DCDC1: variants seen among roughly 807,000 people sequenced by gnomAD.
DCDC1 encodes doublecortin domain containing 1, also known as doublecortin domain-containing protein 1.
Under a neutral mutation model 178.3 loss-of-function variants are expected in DCDC1, and 200 were observed. The ratio of observed to expected loss-of-function variants is 1.12; its 90% CI spans 1.00 to 1.26. The LOEUF (loss-of-function observed/expected upper bound fraction) is 1.26, where lower values mean the gene tolerates loss of function less well. Ranked by LOEUF, DCDC1 falls within the 50% of genes most tolerant of loss-of-function variation. The probability of loss-of-function intolerance (pLI) is 0.00; values close to 1 mark genes in which losing one functional copy is unlikely to be tolerated. For synonymous variants in DCDC1, 690 were observed against 604.8 expected (o/e 1.14, Z -2.07); for missense variants, 1,983 against 1,749.2 (o/e 1.13, Z -2.38).
rs769562644 is a variant in DCDC1, at chr11:31,064,569, T to G, written c.2491A>C (p.Thr831Pro). ...GLKQLPEPSD[T>P]HLMPEGSLEE... The stretch of plus-strand genomic sequence containing the variant: ...AGAGAACCTTCTGGCATTAAATGGG[T>G]GTCTGAGGGTTCTGGCAGTTGCTTC... The change falls in exon 20 of 39, where the codon ACC becomes CCC. Residue 831 changes from threonine (T) to proline (P), a missense_variant. Physicochemically the swap from Thr to Pro is conservative, Grantham distance 38. Coordinates refer to ENST00000684477, the MANE Select transcript of DCDC1 (RefSeq NM_001387274.1). 149 of 765,992 alleles carry G rather than the reference T, an allele frequency of 1.9e-4. No individual in the cohort carries two copies. Among genetic ancestry groups the G allele is most frequent in the Middle Eastern group, 1.1e-3 (5 of 4,436 alleles). 47.4% of individuals were successfully genotyped at this position (765,992 alleles called of 1,614,324 possible).
At chr11:31,365,296 C>T (rs1405116203) in intron 1 of DCDC1, among the ~76,000 whole-genome samples, 1 of 151,908 alleles carries the variant, frequency 6.6e-6, no homozygotes, top group Admixed American at 6.6e-5. Flanking sequence ...TTCTATCTTC[C>T]CAGTAGATTA....
chr11:31,124,827 T>C (rs1961368959), intron 11 of DCDC1, among the ~76,000 whole-genome samples: 1 of 152,062 alleles, frequency 6.6e-6, no homozygotes, highest in Admixed American at 6.5e-5. Flanking sequence ...ATAAAAACCT[T>C]AGAAGAAAAT....
intron 9 of DCDC1, among the ~76,000 whole-genome samples, chr11:31,163,333 G>A (rs1407993622): frequency 2.0e-5 from 3 of 152,110 alleles, no homozygotes; most frequent in Admixed American, 1.3e-4. Context: ...TGTGGTGAGA[G>A]GGGCAGTTTA....
At chr11:30,982,818 C>A (rs1950457829) in intron 20 of DCDC1, among the ~76,000 whole-genome samples, 1 of 152,068 alleles carries the variant, frequency 6.6e-6, no homozygotes, top group Admixed American at 6.6e-5. Context: ...GTACAGCATC[C>A]AATGCGGCCC....
At chr11:31,303,628 A>C (rs1421228450) in intron 6 of DCDC1, among the ~76,000 whole-genome samples, 1 of 152,170 alleles carries the variant, frequency 6.6e-6, no homozygotes, top group Non-Finnish European at 1.5e-5. Context: ...TTTCATATAT[A>C]AATGTATATA....
chr11:31,153,609 C>A (rs1463570757), intron 9 of DCDC1, among the ~76,000 whole-genome samples: 2 of 151,814 alleles, frequency 1.3e-5, no homozygotes, highest in African/African-American at 4.8e-5. Flanking sequence ...ATGGTGAAAC[C>A]CCATCTCTCC....
intron 11 of DCDC1, among the ~76,000 whole-genome samples, chr11:31,120,667 T>A (rs1000395370): frequency 3.3e-5 from 5 of 152,140 alleles, no homozygotes; most frequent in African/African-American, 1.2e-4. Flanking sequence ...TGACCAATTG[T>A]GTGTGAAATT....
At chr11:31,260,030 T>C (rs1944677268) in intron 8 of DCDC1, among the ~76,000 whole-genome samples, 2 of 152,278 alleles carry the variant, frequency 1.3e-5, no homozygotes, top group Non-Finnish European at 2.9e-5. Flanking sequence ...AAACAAGGCA[T>C]ATGAAAATGT....
chr11:31,347,289 C>T (rs1461070263), intron 1 of DCDC1, among the ~76,000 whole-genome samples: 1 of 152,194 alleles, frequency 6.6e-6, no homozygotes, highest in African/African-American at 2.4e-5. Flanking sequence ...GTGCTTAAGA[C>T]TGCCATAGAA....
intron 9 of DCDC1, among the ~76,000 whole-genome samples, chr11:31,239,807 G>T (rs1976898808): frequency 6.6e-6 from 1 of 151,298 alleles, no homozygotes; most frequent in African/African-American, 2.4e-5. Context: ...CATCAATTTT[G>T]AGTCATAAAG....
intron 10 of DCDC1, among the ~76,000 whole-genome samples, chr11:31,131,555 A>T (rs1962441755): frequency 6.6e-6 from 1 of 152,186 alleles, no homozygotes; most frequent in Non-Finnish European, 1.5e-5. Context: ...ACAATGGATA[A>T]TAGTGTATAA....
intron 10 of DCDC1, among the ~76,000 whole-genome samples, chr11:31,137,079 G>A (rs981554587): frequency 1.3e-5 from 2 of 151,938 alleles, no homozygotes; most frequent in African/African-American, 4.8e-5. Flanking sequence ...TTCCTATGTT[G>A]GTAGGTTTTA....
Position 31,303,633 on chromosome 11 carries a change from T to C in DCDC1, c.754+1982A>G, listed in dbSNP as rs545428925. Among the ~76,000 whole-genome samples the C allele has an allele frequency of 3.1e-3, 478 of 152,268 alleles. 2 individuals carry two copies. Among genetic ancestry groups the C allele is most frequent in the Non-Finnish European group, 5.5e-3 (374 of 68,012 alleles). On this transcript the variant is annotated intron_variant, in intron 6 of 38. Transcript: ENST00000684477. ...AAATATTATCTTTCATATATAAATG[T>C]ATATATGTTTACATTTATATTCTTA...
chr11:31,268,324 A>C (rs1945317412), intron 7 of DCDC1, among the ~76,000 whole-genome samples: 1 of 152,150 alleles, frequency 6.6e-6, no homozygotes, highest in African/African-American at 2.4e-5. Context: ...AATTTAAAAA[A>C]ATTATTTTAA....
chr11:30,943,746 T>C (rs1202100148), intron 21 of DCDC1: 1 of 407,130 alleles, frequency 2.5e-6, no homozygotes. Context: ...ATTTAAAAAA[T>C]ACTGATATCC....
chr11:30,990,738 TC>T (rs1365953112), intron 20 of DCDC1, among the ~76,000 whole-genome samples: 7 of 152,230 alleles, frequency 4.6e-5, no homozygotes, highest in African/African-American at 1.7e-4. Context: ...TTTGTTTTTT[TC>T]TGATTAACTG....
chr11:31,246,348 T>C (rs1943564298), intron 8 of DCDC1, among the ~76,000 whole-genome samples: 1 of 152,024 alleles, frequency 6.6e-6, no homozygotes, highest in South Asian at 2.1e-4. Flanking sequence ...TTCTATATAT[T>C]CTTTGGCAGC....
chr11:31,215,665 C>T (rs989536616), intron 9 of DCDC1, among the ~76,000 whole-genome samples: 7 of 151,820 alleles, frequency 4.6e-5, no homozygotes, highest in South Asian at 2.1e-4. Context: ...TGGTGGTGTG[C>T]GCCTATAGTC....
chr11:31,088,283 T>C (rs1283400155), intron 17 of DCDC1, among the ~76,000 whole-genome samples: 4 of 152,114 alleles, frequency 2.6e-5, no homozygotes, highest in Non-Finnish European at 5.9e-5. Flanking sequence ...GATTATTAAA[T>C]GGGGTGTTTA....
Sources: allele counts gnomAD v4.1 joint callset (sites outside exome capture counted in the v4.1 genomes callset), GRCh38; gene constraint gnomAD v4.1.1; transcripts MANE v1.5; gene names NCBI Gene and HGNC (gene_info 2026-07-23, HGNC 2026-07-21).